ATXN1: variants seen among roughly 807,000 people sequenced by gnomAD.
The protein encoded by ATXN1 is ataxin 1.
Under a neutral mutation model 56.4 loss-of-function variants are expected in ATXN1, and 8 were observed. The observed-to-expected ratio is 0.14, with a 90% CI of 0.08 to 0.26. The LOEUF is 0.26. Among genes scored for constraint, ATXN1 ranks in the 10% least tolerant of loss-of-function variants. The probability of loss-of-function intolerance (pLI) is 1.00; values close to 1 mark genes in which losing one functional copy is unlikely to be tolerated. For synonymous variants in ATXN1, 514 were observed against 494.6 expected (o/e 1.04, Z -0.52); for missense variants, 987 against 1,106.5 (o/e 0.89, Z 1.53).
chr6:16,674,406 A>G (rs1758616088), intron 2 of ATXN1, among the ~76,000 whole-genome samples: 1 of 121,290 alleles, frequency 8.2e-6, no homozygotes, highest in Non-Finnish European at 1.6e-5. Flanking sequence ...CAGTGGTGTG[A>G]TCTCGGCTCA....
intron 6 of ATXN1, among the ~76,000 whole-genome samples, chr6:16,403,047 C>T (rs1349967829): frequency 6.6e-6 from 1 of 151,708 alleles, no homozygotes; most frequent in South Asian, 2.1e-4. Flanking sequence ...TTTTGAACAT[C>T]TTGATTATAT....
In ATXN1 at chr6:16,306,150, G is replaced by A; in HGVS notation, c.*179C>T. On this transcript the variant is annotated 3_prime_UTR_variant, in exon 8 of 8. Coordinates refer to ENST00000436367, the MANE Select transcript of ATXN1 (RefSeq NM_001128164.2). This position sits in a 1 kb window ranked among gnomAD's most constrained non-coding sequence, Gnocchi z 5.2. ...GCCCGCTCACTGACAGACACTCGTGGAAAAAGCATATGCACCAGTCTCCTG... is the reference window on the plus strand; with the variant it reads ...GCCCGCTCACTGACAGACACTCGTGAAAAAAGCATATGCACCAGTCTCCTG... 1 of 761,818 alleles carries A rather than the reference G, an allele frequency of 1.3e-6. No individual in the cohort carries two copies. The highest frequency in any genetic ancestry group is 2.0e-6 in the Non-Finnish European group (1 of 496,388). The allele number at this position is 761,818 out of a possible 1,614,324, so 47.2% of individuals were successfully genotyped here.
intron 4 of ATXN1, among the ~76,000 whole-genome samples, chr6:16,531,423 G>A (rs2113706571): frequency 6.6e-6 from 1 of 152,304 alleles, no homozygotes; most frequent in East Asian, 1.9e-4. Context: ...AGAAGTTCAA[G>A]ACCAGCCTGG....
intron 3 of ATXN1, among the ~76,000 whole-genome samples, chr6:16,618,721 C>CAA (rs35139131): frequency 4.5e-4 from 25 of 55,676 alleles, no homozygotes; most frequent in East Asian, 1.0e-3. Flanking sequence ...GACTCCGTCT[C>CAA]AAAAAAAAAA....
chr6:16,322,435 C>T (rs924361102), intron 7 of ATXN1, among the ~76,000 whole-genome samples: 5 of 152,152 alleles, frequency 3.3e-5, no homozygotes, highest in African/African-American at 1.2e-4. Flanking sequence ...TTCAGGCATC[C>T]TCAAGAGTCT....
intron 6 of ATXN1, among the ~76,000 whole-genome samples, chr6:16,336,228 G>A (rs1407064906): frequency 1.3e-5 from 2 of 152,128 alleles, no homozygotes; most frequent in East Asian, 3.8e-4. Context: ...CACTTTCTTA[G>A]TCTACCCAAC....
chr6:16,604,643 T>C (rs1382811104), intron 3 of ATXN1, among the ~76,000 whole-genome samples: 1 of 147,636 alleles, frequency 6.8e-6, no homozygotes, highest in Non-Finnish European at 1.5e-5. Context: ...TAGAGTGCAG[T>C]GGTACAATCA....
chr6:16,567,630 T>C (rs1581849763), intron 4 of ATXN1, among the ~76,000 whole-genome samples: 1 of 152,340 alleles, frequency 6.6e-6, no homozygotes, highest in Non-Finnish European at 1.5e-5. Flanking sequence ...TCATATTCTG[T>C]CAGCTGCTCT....
rs140234021 is a variant in ATXN1, at chr6:16,317,098, A to C, written c.1917+9296T>G. Among the ~76,000 whole-genome samples, 250 of 152,136 alleles carry C rather than the reference A, an allele frequency of 1.6e-3. 1 individual carries two copies. The highest frequency in any genetic ancestry group is 3.1e-3 in the Non-Finnish European group (210 of 68,008). On this transcript the variant is annotated intron_variant, in intron 7 of 7. Coordinates refer to ENST00000436367, the MANE Select transcript of ATXN1 (RefSeq NM_001128164.2). ...TCTCGTTCTTGCAGCTGTGTTAGTA[A>C]TCATTAAGTCATTTTATGATCTTGC...
intron 2 of ATXN1, among the ~76,000 whole-genome samples, chr6:16,744,602 G>A (rs1760462885): frequency 6.6e-6 from 1 of 152,198 alleles, no homozygotes. Flanking sequence ...CAGGGTGGGT[G>A]AGAATCAAGG....
At chr6:16,553,500 C>T (rs997013160) in intron 4 of ATXN1, among the ~76,000 whole-genome samples, 1 of 152,226 alleles carries the variant, frequency 6.6e-6, no homozygotes, top group East Asian at 1.9e-4. Flanking sequence ...GTTCTATCCA[C>T]TCTCCTATAA....
intron 6 of ATXN1, among the ~76,000 whole-genome samples, chr6:16,347,248 TC>T (rs1041175452): frequency 5.3e-5 from 8 of 151,896 alleles, no homozygotes; most frequent in Admixed American, 1.3e-4. Flanking sequence ...GGCAGGCAGC[TC>T]CACCTACTGC....
intron 5 of ATXN1, among the ~76,000 whole-genome samples, chr6:16,501,805 C>T (rs1010507690): frequency 8.5e-5 from 13 of 152,082 alleles, no homozygotes; most frequent in African/African-American, 3.1e-4. Flanking sequence ...GTCTTTATAA[C>T]AGAATGATTT....
intron 2 of ATXN1, among the ~76,000 whole-genome samples, chr6:16,690,304 G>A (rs1046430954): frequency 1.3e-5 from 2 of 151,762 alleles, no homozygotes; most frequent in Non-Finnish European, 2.9e-5. Flanking sequence ...AGAATCTTCA[G>A]CTCTCCACTC....
intron 3 of ATXN1, among the ~76,000 whole-genome samples, chr6:16,644,586 G>GTGTGTGTGTA (rs755274853): frequency 1.2e-4 from 18 of 148,252 alleles, no homozygotes; most frequent in African/African-American, 4.5e-4. Context: ...GTGTGTGTGT[G>GTGTGTGTGTA]TATACACACA....
intron 2 of ATXN1, among the ~76,000 whole-genome samples, chr6:16,699,867 C>T (rs3812206): frequency 0.26 from 40,168 of 151,992 alleles, 5,458 homozygotes; most frequent in Non-Finnish European, 0.3. Flanking sequence ...TGCTCACGAA[C>T]ATTTTTTTAA....
At chr6:16,637,934 G>A (rs1763630001) in intron 3 of ATXN1, among the ~76,000 whole-genome samples, 1 of 152,162 alleles carries the variant, frequency 6.6e-6, no homozygotes, top group Non-Finnish European at 1.5e-5. Flanking sequence ...GGCAGAGGTA[G>A]GCATAGCCCT....
intron 2 of ATXN1, among the ~76,000 whole-genome samples, chr6:16,659,452 T>C (rs1396201039): frequency 1.3e-5 from 2 of 152,244 alleles, no homozygotes; most frequent in East Asian, 1.9e-4. Flanking sequence ...CAATCTTTTC[T>C]TTTTTAACTA....
At chr6:16,716,446 G>T (rs1759642594) in intron 2 of ATXN1, among the ~76,000 whole-genome samples, 1 of 152,168 alleles carries the variant, frequency 6.6e-6, no homozygotes, top group South Asian at 2.1e-4. Flanking sequence ...CTAGGAACTG[G>T]AAGATCTGAG....
Sources: gnomAD v4.1 joint callset for allele counts (sites outside exome capture counted in the v4.1 genomes callset) on GRCh38, gnomAD v4.1.1 for gene constraint, Gnocchi (gnomAD v3.1) non-coding constraint, MANE v1.5 for transcripts, NCBI Gene and HGNC (gene_info 2026-07-23, HGNC 2026-07-21) for gene names.